VIL1: variants seen among roughly 807,000 people sequenced by gnomAD.
VIL1 encodes villin 1, also known as villin-1.
A neutral mutation model predicts 104.0 loss-of-function variants in VIL1; 86 were observed. That is an observed-to-expected ratio of 0.83 (90% confidence interval 0.69 to 0.99). The LOEUF (loss-of-function observed/expected upper bound fraction) is 0.99. Ranked by LOEUF, VIL1 falls within the 50% of genes least tolerant of loss-of-function variation. The probability of loss-of-function intolerance (pLI) is 0.00; values close to 1 mark genes in which losing one functional copy is unlikely to be tolerated. For missense variants in VIL1, 944 were observed against 1,054.1 expected (o/e 0.90, Z 1.45); for synonymous variants, 394 against 412.6 (o/e 0.95, Z 0.55).
chr2:218,423,371 T>G (rs1212205844), intron 1 of VIL1, among the ~76,000 whole-genome samples: 1 of 151,984 alleles, frequency 6.6e-6, no homozygotes, highest in Non-Finnish European at 1.5e-5. Flanking sequence ...CTCCAGCCTG[T>G]GCGACAGAGC....
chr2:218,436,908 C>T (rs1006790260), intron 16 of VIL1, among the ~76,000 whole-genome samples: 7 of 152,184 alleles, frequency 4.6e-5, no homozygotes, highest in Admixed American at 6.5e-5. Context: ...GTCTGGGAGA[C>T]ACACATTTGC....
rs553707561 is a variant in VIL1, at chr2:218,427,525, C to G, written c.348-440C>G. ...ATTTTTAGTAGAGATGGGGCTTCAC[C>G]ATGTTGGCCAGGCTGGTCTGGAACT... On this transcript the variant is annotated intron_variant, in intron 4 of 19. Transcript: ENST00000248444. Among the ~76,000 whole-genome samples, 408 of 152,060 alleles carry G rather than the reference C, an allele frequency of 2.7e-3. 1 individual carries two copies. Among genetic ancestry groups the G allele is most frequent in the African/African-American group, 9.1e-3 (379 of 41,460 alleles).
chr2:218,438,958 T>C (rs2106395690), intron 18 of VIL1, among the ~76,000 whole-genome samples: 1 of 139,116 alleles, frequency 7.2e-6, no homozygotes, highest in Non-Finnish European at 1.5e-5. Context: ...TGAGACACAG[T>C]TTCACTCTGC....
At chr2:218,443,528 A>G (rs1689317905) in intron 19 of VIL1, among the ~76,000 whole-genome samples, 1 of 152,088 alleles carries the variant, frequency 6.6e-6, no homozygotes, top group Non-Finnish European at 1.5e-5. Context: ...AGGACAGCCA[A>G]TGTTATTGAA....
intron 9 of VIL1, 71 bp downstream of exon 9, chr2:218,430,018 TG>T: frequency 1.4e-6 from 2 of 1,392,346 alleles, no homozygotes; most frequent in Non-Finnish European, 2.0e-6. Flanking sequence ...GATAGCAGCA[TG>T]GGGTGGGCAG....
intron 1 of VIL1, among the ~76,000 whole-genome samples, chr2:218,423,385 A>T (rs2106389764): frequency 6.6e-6 from 1 of 152,196 alleles, no homozygotes; most frequent in South Asian, 2.1e-4. Flanking sequence ...ACAGAGCGGG[A>T]CTCCATCTCA....
chr2:218,445,230 T>A (rs1455076163), intron 19 of VIL1, among the ~76,000 whole-genome samples: 2 of 151,930 alleles, frequency 1.3e-5, no homozygotes, highest in Non-Finnish European at 2.9e-5. Flanking sequence ...TGAGACCCTG[T>A]CTCTACAAAA....
At chr2:218,424,396 A>G in intron 3 of VIL1, 45 bp downstream of exon 3, 4 of 1,590,660 alleles carry the variant, frequency 2.5e-6, no homozygotes, top group Non-Finnish European at 3.4e-6. Flanking sequence ...AGCAAAACCC[A>G]CTGTGGTGTC....
At chr2:218,448,762 T>C (rs925878216) in intron 19 of VIL1, among the ~76,000 whole-genome samples, 2 of 151,992 alleles carry the variant, frequency 1.3e-5, no homozygotes, top group Admixed American at 1.3e-4. Context: ...CCCAGCACTT[T>C]GGGAGGCCAA....
rs551289682 is a variant in VIL1 at position 218,420,581 on chromosome 2, T to G, written c.-12+1413T>G. Among the ~76,000 whole-genome samples the G allele has an allele frequency of 3.1e-4, 46 of 148,782 alleles. 1 individual carries two copies. Among genetic ancestry groups the G allele is most frequent in the South Asian group, 1.1e-3 (5 of 4,714 alleles). ...CCTTTCAGCATCATGAGTATTTGTT[T>G]TTTTTTTTTTTGTTTTTTTTTTGAG... On this transcript the variant is annotated intron_variant, in intron 1 of 19. Transcript: ENST00000248444.
intron 3 of VIL1, 23 bp from the exon 4 acceptor site, chr2:218,425,592 T>C (rs761061938): frequency 1.3e-5 from 21 of 1,612,386 alleles, no homozygotes; most frequent in Middle Eastern, 1.7e-4. Context: ...GGGTCTCGGG[T>C]ACACTGGACA....
intron 1 of VIL1, among the ~76,000 whole-genome samples, chr2:218,420,407 T>A (rs1688879650): frequency 8.5e-6 from 1 of 117,738 alleles, no homozygotes; most frequent in African/African-American, 3.3e-5. Context: ...CCAGCCTGGG[T>A]GACAGAGTGA....
intron 19 of VIL1, among the ~76,000 whole-genome samples, chr2:218,446,137 T>TGCC (rs1689360503): frequency 6.6e-6 from 1 of 152,146 alleles, no homozygotes; most frequent in Admixed American, 6.5e-5. Flanking sequence ...TTGTACCTTC[T>TGCC]GCCGCTACCC....
At position 218,432,857 on chromosome 2, in the gene VIL1, A is replaced by C. The variant is rs773753126; in HGVS notation, c.1406A>C (p.Lys469Thr). 1.9e-5 allele frequency: 31 copies of C among 1,614,134 alleles called. No individual in the cohort carries two copies. Among genetic ancestry groups the C allele is most frequent in the Non-Finnish European group, 2.5e-5 (30 of 1,180,060 alleles). The change falls in exon 13 of 20, where the codon AAG becomes ACG. Residue 469 changes from lysine (K) to threonine (T), a missense_variant. Coordinates refer to ENST00000248444, the MANE Select transcript of VIL1 (RefSeq NM_007127.3). ...SAYQAVILDQ[K>T]YNGEPVQIRV... Reference sequence around the variant, plus strand: ...TATCAAGCCGTCATCCTGGACCAGAAGTACAATGGTGAACCAGTCCAGATC... The same window carrying C: ...TATCAAGCCGTCATCCTGGACCAGACGTACAATGGTGAACCAGTCCAGATC...
At chr2:218,436,919 A>G (rs1177733243) in intron 16 of VIL1, among the ~76,000 whole-genome samples, 6 of 152,192 alleles carry the variant, frequency 3.9e-5, no homozygotes, top group African/African-American at 1.4e-4. Context: ...ACACATTTGC[A>G]GAATATCCAA....
chr2:218,430,276 C>G (rs1223941352), intron 9 of VIL1, among the ~76,000 whole-genome samples: 1 of 152,132 alleles, frequency 6.6e-6, no homozygotes. Flanking sequence ...GGCTGGCTTC[C>G]TACAAAAGGG....
At chr2:218,449,003 TG>T (rs1401914207) in intron 19 of VIL1, among the ~76,000 whole-genome samples, 1 of 48,858 alleles carries the variant, frequency 2.0e-5, no homozygotes, top group South Asian at 1.8e-3. Context: ...AGACATGGTC[TG>T]GAAAAAAAAA....
intron 18 of VIL1, 109 bp from the exon 19 acceptor site, chr2:218,440,613 C>T (rs1379042627): frequency 7.4e-6 from 10 of 1,352,444 alleles, no homozygotes; most frequent in African/African-American, 7.1e-5. Context: ...TGGGGTGGGA[C>T]ATGGGAGGCT....
chr2:218,434,398 G>A (rs77722574), intron 13 of VIL1, 128 bp from the exon 14 acceptor site: 4 of 890,464 alleles, frequency 4.5e-6, no homozygotes, highest in African/African-American at 1.7e-5. Flanking sequence ...AGAAAGACCT[G>A]GTGACGGAGC....
Sources: allele counts gnomAD v4.1 joint callset (sites outside exome capture counted in the v4.1 genomes callset), GRCh38; gene constraint gnomAD v4.1.1; transcripts MANE v1.5; gene names NCBI Gene and HGNC (gene_info 2026-07-23, HGNC 2026-07-21).